IL17RD: variants seen among roughly 807,000 people sequenced by gnomAD.
IL17RD encodes interleukin 17 receptor D.
IL17RD carries 52 observed loss-of-function variants against 80.5 expected under a neutral mutation model. The ratio of observed to expected loss-of-function variants is 0.65; its 90% CI spans 0.52 to 0.81. IL17RD has a LOEUF of 0.81. Among genes scored for constraint, IL17RD ranks in the 40% least tolerant of loss-of-function variants. The pLI, the probability that IL17RD is intolerant of heterozygous loss-of-function variation, is 0.00. For synonymous variants in IL17RD, 416 were observed against 391.8 expected, an observed-to-expected ratio of 1.06 and a Z score of -0.73; for missense variants, 1,024 against 955.1, an observed-to-expected ratio of 1.07 and a Z score of -0.95.
At chr3:57,109,495 A>C in intron 5 of IL17RD, 42 bp downstream of exon 5, 2 of 1,590,120 alleles carry the variant, frequency 1.3e-6, no homozygotes, top group South Asian at 2.3e-5. Flanking sequence ...AAAGCGGAGA[A>C]AAGTCTTCTC....
chr3:57,159,846 C>T (rs1295795042), intron 1 of IL17RD, among the ~76,000 whole-genome samples: 3 of 152,020 alleles, frequency 2.0e-5, no homozygotes, highest in Non-Finnish European at 2.9e-5. Context: ...GTTCTAGAAG[C>T]CTAAAAACCC....
chr3:57,128,638 C>T (rs1707544850), intron 1 of IL17RD, among the ~76,000 whole-genome samples: 1 of 150,784 alleles, frequency 6.6e-6, no homozygotes. Context: ...TGAGTTGTTT[C>T]TCCGACAGCA....
Position 57,105,859 on chromosome 3 carries a change from G to A in IL17RD, c.745C>T (p.Gln249Ter), listed in dbSNP as rs1378153763. The A allele has an allele frequency of 1.9e-6, 3 of 1,613,348 alleles. No homozygotes were observed. Among genetic ancestry groups the A allele is most frequent in the Non-Finnish European group, 2.5e-6 (3 of 1,179,738 alleles). The part of the protein sequence containing the change: ...EGPFKRKTCK[Q>*]EQTTETTSCL... Reference sequence around the variant, plus strand: ...TTTATATACACCCAGCAGCTCACCTGCTTACAGGTCTTTCGCTTGAAAGGT... The same window carrying A: ...TTTATATACACCCAGCAGCTCACCTACTTACAGGTCTTTCGCTTGAAAGGT... The change falls in exon 7 of 13, where the codon CAG (glutamine) becomes TAG (stop). Residue 249 changes from glutamine (Q) to a stop codon, truncating the protein, a stop_gained and splice_region_variant. Transcript: ENST00000296318. LOFTEE classifies it high-confidence loss of function.
At position 57,098,297 on chromosome 3, in the gene IL17RD, G is replaced by A; in HGVS notation, c.1406C>T (p.Ser469Phe). 1.2e-6 allele frequency: 2 copies of A among 1,614,030 alleles called. No individual in the cohort carries two copies. The highest frequency in any genetic ancestry group is 3.3e-4 in the Middle Eastern group (2 of 6,062). Reference protein sequence around the residue: ...EKLRQAKQSSSAALSKFIAVY... With the variant: ...EKLRQAKQSSFAALSKFIAVY... ...GGCGATAAACTTGCTGAGCGCCGCG[G>A]ACGAACTCTGCTTGGCCTGGCGGAG... Residue 469 changes from serine to phenylalanine, a missense_variant, in exon 12 of 13, where the codon TCC becomes TTC. Ser to Phe is a radical substitution (Grantham distance 155). Transcript: ENST00000296318.
At chr3:57,119,658 ACACAGATTCACCTTGTGTGAAT>A (rs763398604) in intron 2 of IL17RD, among the ~76,000 whole-genome samples, 100,193 of 149,618 alleles carry the variant, frequency 0.67, 34,334 homozygotes, top group Non-Finnish European at 0.74. Flanking sequence ...ACCCAGTTTC[ACACAGATTCACCTTGTGTGAAT>A]TTCACACAGA....
rs1477760401 is a variant in IL17RD, at chr3:57,091,481, C to CA, written c.*4911dup. On this transcript the variant is annotated 3_prime_UTR_variant, in exon 13 of 13. Transcript: ENST00000296318. ...ATCCCCATCCTGAGCCTCGTCTTCA[C>CA]AAGGCACCAATGTGAGTAAGGCACC... 2.0e-5 allele frequency: 3 copies of CA among 152,556 alleles called. No individual in the cohort carries two copies. Among genetic ancestry groups the CA allele is most frequent in the African/African-American group, 7.2e-5 (3 of 41,404 alleles). The allele number at this position is 152,556 out of a possible 1,614,324, so 9.5% of individuals were successfully genotyped here. A position where few individuals can be genotyped will look rare whatever the true frequency, so the allele number is the denominator to read the frequency against.
Position 57,114,717 on chromosome 3 carries a change from G to T in IL17RD, c.285C>A (p.Thr95=), listed in dbSNP as rs1040041567. Residue 95 remains threonine, a synonymous_variant, in exon 3 of 13, where the codon ACC becomes ACA. Transcript: ENST00000296318. ...CGAGGGCCCCTGGGGACCAAAGAATGGTGACTGCCACTTGGTCATGGCAAG... is the reference window on the plus strand; with the variant it reads ...CGAGGGCCCCTGGGGACCAAAGAATTGTGACTGCCACTTGGTCATGGCAAG... ...QYACHDQVAV[T]ILWSPGALGI... The T allele has an allele frequency of 1.9e-6, 3 of 1,611,674 alleles. No individual in the cohort carries two copies. The highest frequency in any genetic ancestry group is 1.7e-5 in the Admixed American group (1 of 59,414).
chr3:57,131,308 A>G (rs1056486261), intron 1 of IL17RD, among the ~76,000 whole-genome samples: 1 of 152,170 alleles, frequency 6.6e-6, no homozygotes, highest in Non-Finnish European at 1.5e-5. Flanking sequence ...AGAACCTTTC[A>G]GTATAAGCAT....
chr3:57,099,939 C>T (rs987019197), intron 11 of IL17RD, among the ~76,000 whole-genome samples: 2 of 152,308 alleles, frequency 1.3e-5, no homozygotes, highest in East Asian at 3.9e-4. Context: ...CAAAACTGTA[C>T]GTGTGAGTTC....
intron 3 of IL17RD, among the ~76,000 whole-genome samples, chr3:57,111,692 C>T (rs571944962): frequency 8.5e-5 from 13 of 152,140 alleles, no homozygotes; most frequent in Non-Finnish European, 1.5e-4. Flanking sequence ...TCGTTGGGGC[C>T]GGGCGCGGTG....
At chr3:57,103,040 A>G (rs1706872268) in intron 9 of IL17RD, 51 bp downstream of exon 9, 2 of 1,298,188 alleles carry the variant, frequency 1.5e-6, no homozygotes, top group Non-Finnish European at 2.2e-6. Context: ...AGTATCACAT[A>G]CCTTGGTCTA....
intron 1 of IL17RD, among the ~76,000 whole-genome samples, chr3:57,161,847 T>C (rs1467061370): frequency 6.6e-6 from 1 of 152,150 alleles, no homozygotes; most frequent in Non-Finnish European, 1.5e-5. Context: ...GATGGTGTGG[T>C]CCCTCTGGAG....
At position 57,108,509 on chromosome 3, in the gene IL17RD, C is replaced by CTTTTTTTT. The variant is rs34594516; in HGVS notation, c.550+1020_550+1027dup. On this transcript the variant is annotated intron_variant, in intron 5 of 12. Transcript: ENST00000296318. ...TTAATCTAATCGTTTTGATACATGG[C>CTTTTTTTT]TTTTTTTTTTTTTTTTTTTTTTTTT... 3.7e-4 allele frequency among the ~76,000 whole-genome samples: 18 copies of CTTTTTTTT among 49,162 alleles called. 3 individuals are homozygous for CTTTTTTTT. Among genetic ancestry groups the CTTTTTTTT allele is most frequent in the African/African-American group, 1.2e-3 (13 of 10,418 alleles). The allele number at this position is 49,162 out of a possible 152,430, so 32.3% of individuals were successfully genotyped here.
At chr3:57,149,316 G>A (rs926160090) in intron 1 of IL17RD, among the ~76,000 whole-genome samples, 39 of 147,324 alleles carry the variant, frequency 2.6e-4, no homozygotes, top group South Asian at 1.3e-3. Flanking sequence ...AAAAAAAGCC[G>A]ATTCCTTCAC....
At chr3:57,138,939 C>CAAAAAAA (rs1026336884) in intron 1 of IL17RD, among the ~76,000 whole-genome samples, 1 of 40,458 alleles carries the variant, frequency 2.5e-5, no homozygotes, top group African/African-American at 9.2e-5. Context: ...AACTCCATCT[C>CAAAAAAA]AAAAAAAAAA....
upstream of IL17RD, among the ~76,000 whole-genome samples, chr3:57,165,712 T>C (rs1282861030): frequency 1.3e-5 from 2 of 152,220 alleles, no homozygotes; most frequent in Admixed American, 1.3e-4. Context: ...GACCCCTTTC[T>C]GTATACGCCC....
At chr3:57,105,536 C>CAAAAAAAAAAAAAA (rs745910085) in intron 7 of IL17RD, among the ~76,000 whole-genome samples, 1,488 of 35,294 alleles carry the variant, frequency 0.042, 201 homozygotes, top group Non-Finnish European at 0.063. Flanking sequence ...GACTCCATCT[C>CAAAAAAAAAAAAAA]AAAAAAAAAA....
At chr3:57,164,991 C>G in intron 1 of IL17RD, 170 bp downstream of exon 1, 1 of 1,335,610 alleles carries the variant, frequency 7.5e-7, no homozygotes, top group Non-Finnish European at 9.5e-7. Flanking sequence ...GGAGGACACG[C>G]GTCCGGGGAG....
chr3:57,105,723 A>AT (rs1206454610), intron 7 of IL17RD, 134 bp downstream of exon 7: 1 of 684,938 alleles, frequency 1.5e-6, no homozygotes, highest in African/African-American at 1.8e-5. Flanking sequence ...ATGCCCAATG[A>AT]TTACATTCTC....
Sources: gnomAD v4.1 joint callset for allele counts (sites outside exome capture counted in the v4.1 genomes callset) on GRCh38, gnomAD v4.1.1 for gene constraint, MANE v1.5 for transcripts, NCBI Gene and HGNC (gene_info 2026-07-23, HGNC 2026-07-21) for gene names.